The following CADPS2 variants were observed in gnomAD, a reference collection of about 807,000 sequenced individuals.
CADPS2 encodes calcium-dependent secretion activator 2.
In CADPS2, 93 loss-of-function variants were observed where a neutral mutation model predicts 172.5. That is an observed-to-expected ratio of 0.54 (90% confidence interval 0.46 to 0.64). CADPS2 has a LOEUF of 0.64. Among genes scored for constraint, CADPS2 ranks in the 30% least tolerant of loss-of-function variants. The probability of loss-of-function intolerance (pLI) is 0.00; values close to 1 mark genes in which losing one functional copy is unlikely to be tolerated. For missense variants in CADPS2, 1,420 were observed against 1,565.9 expected, an observed-to-expected ratio of 0.91 and a Z score of 1.57; for synonymous variants, 546 against 555.2, an observed-to-expected ratio of 0.98 and a Z score of 0.23.
chr7:122,334,886 GGC>G (rs1277654196), intron 28 of CADPS2, among the ~76,000 whole-genome samples: 1 of 152,060 alleles, frequency 6.6e-6, no homozygotes, highest in Non-Finnish European at 1.5e-5. Flanking sequence ...GCTCCCTTGG[GGC>G]AAGGACTTGG....
chr7:122,686,906 A>C (rs1383401811), intron 2 of CADPS2, among the ~76,000 whole-genome samples: 1 of 152,164 alleles, frequency 6.6e-6, no homozygotes, highest in Non-Finnish European at 1.5e-5. Flanking sequence ...GCTGGTCTCA[A>C]ACTCCTGGCC....
chr7:122,781,115 C>T (rs1384319479), intron 1 of CADPS2, among the ~76,000 whole-genome samples: 1 of 152,152 alleles, frequency 6.6e-6, no homozygotes, highest in Non-Finnish European at 1.5e-5. Flanking sequence ...TACTATTAAT[C>T]TGATGGACAG....
chr7:122,500,292 T>C (rs1184420857), intron 9 of CADPS2, among the ~76,000 whole-genome samples: 1 of 152,160 alleles, frequency 6.6e-6, no homozygotes, highest in African/African-American at 2.4e-5. Flanking sequence ...GCTTCCACAG[T>C]GTGTGGCACA....
In CADPS2 at chr7:122,623,849, T is replaced by C. The variant is rs142076531; in HGVS notation, c.868-2132A>G. 4.7e-3 allele frequency among the ~76,000 whole-genome samples: 713 copies of C among 152,322 alleles called. 5 individuals are homozygous for C. The highest frequency in any genetic ancestry group is 0.016 in the African/African-American group (680 of 41,574). Reference sequence around the variant, plus strand: ...GAGCATGTCACGTATCTGAAAGTTCTGATATACTAACGCTTTGCTTTCAAA... The same window carrying C: ...GAGCATGTCACGTATCTGAAAGTTCCGATATACTAACGCTTTGCTTTCAAA... On this transcript the variant is annotated intron_variant, in intron 4 of 29. Coordinates refer to ENST00000449022, the MANE Select transcript of CADPS2 (RefSeq NM_017954.11).
At chr7:122,821,618 C>T (rs890234443) in intron 1 of CADPS2, among the ~76,000 whole-genome samples, 29 of 152,110 alleles carry the variant, frequency 1.9e-4, no homozygotes, top group Admixed American at 1.7e-3. Flanking sequence ...AGACATAATT[C>T]CCCAGTTTAG....
intron 3 of CADPS2, among the ~76,000 whole-genome samples, chr7:122,638,500 C>A (rs543622955): frequency 2.0e-5 from 3 of 152,264 alleles, no homozygotes; most frequent in African/African-American, 7.2e-5. Flanking sequence ...GGGAGTAGAG[C>A]AATCTGTCCA....
chr7:122,588,647 G>C (rs544205092), intron 6 of CADPS2, among the ~76,000 whole-genome samples: 1 of 152,028 alleles, frequency 6.6e-6, no homozygotes, highest in African/African-American at 2.4e-5. Flanking sequence ...CATTGATTCT[G>C]ATATTCTCTT....
At chr7:122,375,318 A>C (rs997541347) in intron 25 of CADPS2, among the ~76,000 whole-genome samples, 1 of 152,176 alleles carries the variant, frequency 6.6e-6, no homozygotes, top group African/African-American at 2.4e-5. Flanking sequence ...AAGCTAAAAT[A>C]ATCAAAAAAG....
chr7:122,438,206 T>A, intron 17 of CADPS2, 135 bp downstream of exon 17: 1 of 1,107,042 alleles, frequency 9.0e-7, no homozygotes, highest in Non-Finnish European at 1.3e-6. Flanking sequence ...GTTCACCAGC[T>A]GAGATTTTAA....
intron 1 of CADPS2, among the ~76,000 whole-genome samples, chr7:122,782,572 T>C (rs541311920): frequency 5.9e-4 from 90 of 152,166 alleles, no homozygotes; most frequent in Non-Finnish European, 1.3e-4. Context: ...GTTCATGCCA[T>C]TGCACTCCAC....
intron 1 of CADPS2, among the ~76,000 whole-genome samples, chr7:122,749,625 G>T (rs2092863660): frequency 1.3e-5 from 2 of 151,900 alleles, no homozygotes; most frequent in South Asian, 2.1e-4. Flanking sequence ...TGTATTTAGG[G>T]ACATAAAATG....
chr7:122,633,302 A>G (rs1344767170), intron 3 of CADPS2, among the ~76,000 whole-genome samples: 3 of 152,034 alleles, frequency 2.0e-5, no homozygotes, highest in African/African-American at 7.3e-5. Flanking sequence ...CCGTTTAATG[A>G]TACTGATTTT....
intron 1 of CADPS2, among the ~76,000 whole-genome samples, chr7:122,748,895 T>C (rs1002768416): frequency 3.5e-4 from 54 of 152,170 alleles, no homozygotes; most frequent in African/African-American, 1.2e-3. Context: ...GAGGGATTAT[T>C]ATCAGGTATC....
chr7:122,661,665 T>TA (rs1485730052), intron 3 of CADPS2, among the ~76,000 whole-genome samples: 7 of 152,182 alleles, frequency 4.6e-5, no homozygotes, highest in African/African-American at 1.7e-4. Context: ...TGCAAATAAA[T>TA]GACTTTTCTT....
At chr7:122,470,329 C>T (rs2055753949) in intron 14 of CADPS2, among the ~76,000 whole-genome samples, 1 of 150,910 alleles carries the variant, frequency 6.6e-6, no homozygotes, top group Admixed American at 6.6e-5. Flanking sequence ...TTAATATTCA[C>T]AAATTGGGGA....
chr7:122,470,035 A>G (rs1018419512), intron 14 of CADPS2, among the ~76,000 whole-genome samples: 5 of 152,180 alleles, frequency 3.3e-5, no homozygotes, highest in South Asian at 2.1e-4. Flanking sequence ...TTGTGGAGAC[A>G]AGAATGGGCA....
At chr7:122,375,423 C>T (rs1467308664) in intron 25 of CADPS2, among the ~76,000 whole-genome samples, 1 of 152,004 alleles carries the variant, frequency 6.6e-6, no homozygotes, top group East Asian at 1.9e-4. Context: ...AAACAGAGAG[C>T]TCAGAAATAA....
Position 122,658,936 on chromosome 7 carries a change from G to A in CADPS2, c.786+4301C>T, listed in dbSNP as rs565007358. The stretch of plus-strand genomic sequence containing the variant: ...TAATATGTAAAAAAAAAAGTTTCTC[G>A]TACTTATGGCTACAAGAAACACTAA... On this transcript the variant is annotated intron_variant, in intron 3 of 29. Transcript: ENST00000449022. 7.9e-5 allele frequency among the ~76,000 whole-genome samples: 12 copies of A among 151,770 alleles called. No homozygotes were observed. The East Asian group carries it at 2.3e-3, about 29-fold the overall frequency.
At chr7:122,558,413 A>G (rs1482173168) in intron 7 of CADPS2, among the ~76,000 whole-genome samples, 1 of 152,146 alleles carries the variant, frequency 6.6e-6, no homozygotes, top group Non-Finnish European at 1.5e-5. Flanking sequence ...GTTCTTTACC[A>G]TTCGTTTCTC....
Sources: gnomAD v4.1 joint callset for allele counts (sites outside exome capture counted in the v4.1 genomes callset) on GRCh38, gnomAD v4.1.1 for gene constraint, MANE v1.5 for transcripts, NCBI Gene and HGNC (gene_info 2026-07-23, HGNC 2026-07-21) for gene names.